Variants in MED12L observed in about 807,000 individuals in gnomAD.
MED12L encodes the protein mediator complex subunit 12L, also known as mediator of RNA polymerase II transcription subunit 12-like protein.
A neutral mutation model predicts 281.3 loss-of-function variants in MED12L; 60 were observed. The ratio of observed to expected loss-of-function variants is 0.21; its 90% confidence interval spans 0.17 to 0.26. MED12L has a LOEUF of 0.26. Among genes scored for constraint, MED12L ranks in the 10% least tolerant of loss-of-function variants. MED12L has a pLI of 1.00. For missense variants in MED12L, 2,146 were observed against 2,680.9 expected (o/e 0.80, Z 4.41); for synonymous variants, 974 against 987.2 (o/e 0.99, Z 0.25).
At chr3:151,328,127 A>AT in intron 16 of MED12L, 1 of 1,613,074 alleles carries the variant, frequency 6.2e-7, no homozygotes, top group Non-Finnish European at 8.5e-7. Flanking sequence ...ATCCATACAA[A>AT]TGTTAGTTGC....
intron 21 of MED12L, 47 bp from the exon 22 acceptor site, chr3:151,364,932 A>G (rs779179024): frequency 7.7e-7 from 1 of 1,305,728 alleles, no homozygotes; most frequent in East Asian, 2.3e-5. Flanking sequence ...TTTTCTAGTT[A>G]TTCTAGTTTT....
At chr3:151,328,230 C>A (rs750682032) in intron 16 of MED12L, 4 of 1,613,710 alleles carry the variant, frequency 2.5e-6, no homozygotes, top group African/African-American at 1.3e-5. Flanking sequence ...GTATATGGAA[C>A]TCTGGCAAAA....
intron 21 of MED12L, among the ~76,000 whole-genome samples, chr3:151,363,312 CA>C (rs1374213472): frequency 6.6e-6 from 1 of 152,134 alleles, no homozygotes; most frequent in Non-Finnish European, 1.5e-5. Context: ...GCTGGATACA[CA>C]GAGAGATTTC....
chr3:151,319,188 A>C (rs970649102), intron 16 of MED12L, among the ~76,000 whole-genome samples: 1 of 152,200 alleles, frequency 6.6e-6, no homozygotes, highest in African/African-American at 2.4e-5. Context: ...TCATGAAAAA[A>C]GTGTAACACT....
intron 38 of MED12L, among the ~76,000 whole-genome samples, chr3:151,393,882 G>C (rs748258811): frequency 4.6e-5 from 7 of 152,110 alleles, no homozygotes; most frequent in Non-Finnish European, 7.4e-5. Flanking sequence ...CAACTTTTGT[G>C]AGGTGCTTAT....
At chr3:151,360,921 A>G (rs755585153) in intron 21 of MED12L, among the ~76,000 whole-genome samples, 5 of 152,126 alleles carry the variant, frequency 3.3e-5, no homozygotes, top group South Asian at 2.1e-4. Flanking sequence ...TATGTTGTAC[A>G]GACAGTGCAT....
chr3:151,160,410 C>G (rs568651024), intron 8 of MED12L, among the ~76,000 whole-genome samples: 1 of 152,200 alleles, frequency 6.6e-6, no homozygotes, highest in African/African-American at 2.4e-5. Context: ...TCTGGAAAGA[C>G]AGCTTCTCCA....
chr3:151,110,764 G>A (rs1426705050), intron 2 of MED12L, among the ~76,000 whole-genome samples: 1 of 151,882 alleles, frequency 6.6e-6, no homozygotes, highest in Non-Finnish European at 1.5e-5. Context: ...GTATGTTTGT[G>A]TGTGTGTGTG....
chr3:151,165,838 G>C lies in MED12L; in HGVS notation c.1358-8G>C. On this transcript the variant is annotated splice_polypyrimidine_tract_variant and splice_region_variant and intron_variant, in intron 10 of 44. Coordinates refer to ENST00000687756, the MANE Select transcript of MED12L (RefSeq NM_001393769.1). ...CTCATTAACCACTTGTTTAATTTCTGCCTATAGGGGTGACTATTAGTCGGG... is the reference window on the plus strand; with the variant it reads ...CTCATTAACCACTTGTTTAATTTCTCCCTATAGGGGTGACTATTAGTCGGG... The C allele has an allele frequency of 6.2e-7, 1 of 1,609,364 alleles. No individual in the cohort carries two copies. Among genetic ancestry groups the C allele is most frequent in the Non-Finnish European group, 8.5e-7 (1 of 1,178,506 alleles).
rs769893574 is a variant in MED12L, at chr3:151,432,779, C to T, written c.6518C>T (p.Pro2173Leu). Residue 2173 changes from proline (P) to leucine (L), a missense_variant, in exon 45 of 45, where the codon CCG becomes CTG. Transcript: ENST00000687756. The part of the protein sequence containing the change: ...SSNQPQQGVT[P>L]YGHPSHF ...AACCAGCCACAGCAAGGAGTGACTCCGTATGGGCATCCTTCACACTTCTGA... is the reference window on the plus strand; with the variant it reads ...AACCAGCCACAGCAAGGAGTGACTCTGTATGGGCATCCTTCACACTTCTGA... The T allele has an allele frequency of 8.1e-6, 13 of 1,612,808 alleles. No homozygotes were observed. Among genetic ancestry groups the T allele is most frequent in the African/African-American group, 4.0e-5 (3 of 74,862 alleles).
chr3:151,093,520 A>G (rs893837864), intron 2 of MED12L, among the ~76,000 whole-genome samples: 1 of 152,216 alleles, frequency 6.6e-6, no homozygotes, highest in African/African-American at 2.4e-5. Flanking sequence ...TTGATTTGAT[A>G]TATTAGAATC....
At chr3:151,189,946 C>A (rs959248630) in intron 13 of MED12L, among the ~76,000 whole-genome samples, 90 of 152,256 alleles carry the variant, frequency 5.9e-4, no homozygotes, top group African/African-American at 2.1e-3. Context: ...ATCCTGCTTA[C>A]ATTTTTTTCA....
chr3:151,262,966 G>C (rs867915424), intron 16 of MED12L, among the ~76,000 whole-genome samples: 1 of 152,132 alleles, frequency 6.6e-6, no homozygotes, highest in Non-Finnish European at 1.5e-5. Flanking sequence ...AGGGGAAGCC[G>C]TAGTTCTCTA....
intron 16 of MED12L, among the ~76,000 whole-genome samples, chr3:151,206,129 G>T (rs1190503747): frequency 2.3e-5 from 3 of 130,728 alleles, no homozygotes; most frequent in Non-Finnish European, 4.9e-5. Context: ...TTAGCCCAAA[G>T]ATTTTTTTCT....
intron 38 of MED12L, among the ~76,000 whole-genome samples, chr3:151,393,337 AT>A (rs1277653503): frequency 2.6e-5 from 4 of 152,228 alleles, no homozygotes; most frequent in African/African-American, 9.6e-5. Flanking sequence ...CATTCCCTGA[AT>A]CTACATTTTA....
At chr3:151,181,432 T>TA (rs1576904609) in intron 11 of MED12L, among the ~76,000 whole-genome samples, 1 of 151,800 alleles carries the variant, frequency 6.6e-6, no homozygotes, top group Non-Finnish European at 1.5e-5. Flanking sequence ...TTTTTTTTTT[T>TA]AAGACACAGG....
intron 2 of MED12L, among the ~76,000 whole-genome samples, chr3:151,087,306 C>A (rs576960141): frequency 1.1e-3 from 169 of 152,352 alleles, no homozygotes; most frequent in African/African-American, 3.9e-3. Flanking sequence ...CGGGCTTCTT[C>A]CCTGCCGAAA....
chr3:151,273,460 C>T (rs1424897263), intron 16 of MED12L, among the ~76,000 whole-genome samples: 5 of 137,820 alleles, frequency 3.6e-5, no homozygotes, highest in African/African-American at 1.4e-4. Flanking sequence ...CCAGGCTGGT[C>T]TGAAACTTCT....
intron 16 of MED12L, among the ~76,000 whole-genome samples, chr3:151,217,989 G>A (rs927062681): frequency 6.6e-6 from 1 of 152,034 alleles, no homozygotes; most frequent in African/African-American, 2.4e-5. Flanking sequence ...TGAAAATCAG[G>A]ACAAAATCAT....
Sources: allele counts gnomAD v4.1 joint callset (sites outside exome capture counted in the v4.1 genomes callset), GRCh38; gene constraint gnomAD v4.1.1; transcripts MANE v1.5; gene names NCBI Gene and HGNC (gene_info 2026-07-23, HGNC 2026-07-21).